The following DYNC2H1 variants were observed in gnomAD, a reference collection of about 807,000 sequenced individuals.
DYNC2H1 encodes dynein cytoplasmic 2 heavy chain 1, also known as cytoplasmic dynein 2 heavy chain 1.
Under a neutral mutation model 570.0 loss-of-function variants are expected in DYNC2H1, and 410 were observed. The observed-to-expected ratio is 0.72, with a 90% CI of 0.66 to 0.78. The LOEUF is 0.78. Ranked by LOEUF, DYNC2H1 falls within the 30% of genes least tolerant of loss-of-function variation. The probability of loss-of-function intolerance (pLI) is 0.00; values close to 1 mark genes in which losing one functional copy is unlikely to be tolerated. For missense variants in DYNC2H1, 4,865 were observed against 5,046.4 expected (o/e 0.96, Z 1.09); for synonymous variants, 1,688 against 1,677.6 (o/e 1.01, Z -0.15).
intron 48 of DYNC2H1, among the ~76,000 whole-genome samples, chr11:103,198,892 C>G (rs987447429): frequency 6.6e-6 from 1 of 152,108 alleles, no homozygotes. Flanking sequence ...GGTCTATGCA[C>G]ACTGATTCAT....
chr11:103,464,485 T>C (rs985490473), intron 87 of DYNC2H1, among the ~76,000 whole-genome samples: 3 of 152,108 alleles, frequency 2.0e-5, no homozygotes, highest in Admixed American at 6.5e-5. Flanking sequence ...AATTGGAGAA[T>C]GATGAGTTCT....
intron 61 of DYNC2H1, among the ~76,000 whole-genome samples, chr11:103,235,429 C>T (rs756052680): frequency 4.0e-5 from 6 of 151,818 alleles, no homozygotes; most frequent in Non-Finnish European, 7.4e-5. Flanking sequence ...TCTTTAAAAT[C>T]GTTAAGAACT....
rs772172288 is a variant in DYNC2H1 at position 103,123,015 on chromosome 11, A to G, written c.1661+15A>G. On this transcript the variant is annotated intron_variant, in intron 11 of 88. Transcript: ENST00000375735. ...TCTGGTTTGTGGTAAGTATAGATAT[A>G]TTAAACTGTAAAATCCAAAACCATA... The G allele has an allele frequency of 7.4e-7, 1 of 1,350,062 alleles. No individual in the cohort carries two copies. Among genetic ancestry groups the G allele is most frequent in the African/African-American group, 1.5e-5 (1 of 67,986 alleles). The allele number at this position is 1,350,062 out of a possible 1,614,324, so 83.6% of individuals were successfully genotyped here.
At chr11:103,453,864 TA>T (rs1402087414) in intron 85 of DYNC2H1, among the ~76,000 whole-genome samples, 1 of 151,864 alleles carries the variant, frequency 6.6e-6, no homozygotes, top group Non-Finnish European at 1.5e-5. Flanking sequence ...GATAATTTAA[TA>T]AAAATTATTT....
chr11:103,404,236 A>C (rs1942769095), intron 84 of DYNC2H1: 1 of 151,866 alleles, frequency 6.6e-6, no homozygotes, highest in African/African-American at 2.4e-5. Flanking sequence ...CTAGTATCTT[A>C]TCAAGAAATT....
chr11:103,273,851 G>A (rs1237786616), intron 70 of DYNC2H1, among the ~76,000 whole-genome samples: 1 of 152,078 alleles, frequency 6.6e-6, no homozygotes, highest in South Asian at 2.1e-4. Flanking sequence ...CTTAAGGTCA[G>A]GATATCTTCT....
chr11:103,248,802 A>G (rs1041231590), intron 65 of DYNC2H1, among the ~76,000 whole-genome samples: 1 of 152,098 alleles, frequency 6.6e-6, no homozygotes, highest in African/African-American at 2.4e-5. Context: ...AGAAGTAACC[A>G]AAGATATCAC....
rs190307462 is a variant in DYNC2H1 at position 103,423,903 on chromosome 11, C to T, written c.12367-12040C>T. On this transcript the variant is annotated intron_variant, in intron 84 of 88. Transcript: ENST00000375735. Reference sequence around the variant, plus strand: ...GTATTTCTGTATAATAGCAATGAATCCTAGTATATGGCACTCACAGTACCC... The same window carrying T: ...GTATTTCTGTATAATAGCAATGAATTCTAGTATATGGCACTCACAGTACCC... 7.3e-3 allele frequency among the ~76,000 whole-genome samples: 1,104 copies of T among 151,932 alleles called. 6 individuals are homozygous for T. The highest frequency in any genetic ancestry group is 0.029 in the South Asian group (139 of 4,798).
chr11:103,344,020 C>T (rs531315366), intron 82 of DYNC2H1, among the ~76,000 whole-genome samples: 1 of 152,312 alleles, frequency 6.6e-6, no homozygotes, highest in Non-Finnish European at 1.5e-5. Flanking sequence ...AAAACTACTC[C>T]ATCACTTTTA....
rs1938419087 is a variant in DYNC2H1, at chr11:103,325,354, A to G, written c.12039+1364A>G. 6.6e-6 allele frequency among the ~76,000 whole-genome samples: 1 copy of G among 152,184 alleles called. No individual in the cohort carries two copies. On this transcript the variant is annotated intron_variant, in intron 82 of 88. Coordinates refer to ENST00000375735, the MANE Select transcript of DYNC2H1 (RefSeq NM_001377.3). This position sits in a 1 kb window ranked among gnomAD's most constrained non-coding sequence, Gnocchi z 4.8. ...TTTTATAGTTTTAGCTTTTACATTT[A>G]AGTCTTTAATCCATCTTGAGTTGAT...
In DYNC2H1 at chr11:103,311,940, T is replaced by G. The variant is rs757411277; in HGVS notation, c.11556T>G (p.Ile3852Met). The change falls in exon 79 of 89, where the codon ATT becomes ATG. Residue 3852 changes from isoleucine to methionine, a missense_variant. Ile to Met is a conservative substitution (Grantham distance 10, BLOSUM62 1). Transcript: ENST00000375735. The stretch of plus-strand genomic sequence containing the variant: ...ATGAGTCTTGGACTCCTGAGCAAAT[T>G]AGCAAAAAAGATAATACACATCGAG... Reference protein sequence around the residue: ...RTYESWTPEQISKKDNTHRAH... With the variant: ...RTYESWTPEQMSKKDNTHRAH... 2.2e-5 allele frequency: 35 copies of G among 1,613,714 alleles called. No homozygotes were observed. Among genetic ancestry groups the G allele is most frequent in the Middle Eastern group, 3.3e-4 (2 of 6,054 alleles).
At chr11:103,142,288 C>G (rs989350186) in intron 17 of DYNC2H1, among the ~76,000 whole-genome samples, 15 of 152,208 alleles carry the variant, frequency 9.9e-5, no homozygotes, top group African/African-American at 3.1e-4. Context: ...CAGAAATCAC[C>G]TGTCTTCTGC....
chr11:103,371,465 C>G (rs546848971), intron 83 of DYNC2H1, among the ~76,000 whole-genome samples: 1 of 151,952 alleles, frequency 6.6e-6, no homozygotes, highest in Non-Finnish European at 1.5e-5. Flanking sequence ...TGTAGAATAC[C>G]AAGCAGATTT....
chr11:103,119,762 G>C (rs1021401704), intron 6 of DYNC2H1, among the ~76,000 whole-genome samples: 2 of 152,040 alleles, frequency 1.3e-5, no homozygotes, highest in African/African-American at 4.8e-5. Flanking sequence ...ATTCTTTTTG[G>C]GGGCTATTTA....
intron 82 of DYNC2H1, among the ~76,000 whole-genome samples, chr11:103,349,619 T>C (rs977214210): frequency 5.3e-5 from 8 of 152,166 alleles, no homozygotes; most frequent in Non-Finnish European, 7.4e-5. Flanking sequence ...TATAGCTCAG[T>C]ATTTGAAAAC....
At chr11:103,381,605 C>T (rs867676876) in intron 83 of DYNC2H1, among the ~76,000 whole-genome samples, 2 of 152,142 alleles carry the variant, frequency 1.3e-5, no homozygotes, top group Non-Finnish European at 2.9e-5. Flanking sequence ...CCTGCCACCA[C>T]GCCTGGCTAA....
chr11:103,282,893 G>A, intron 72 of DYNC2H1, 115 bp from the exon 73 acceptor site: 1 of 719,416 alleles, frequency 1.4e-6, no homozygotes, highest in Non-Finnish European at 2.3e-6. Context: ...AAAATATAAA[G>A]AAATAATGCA....
chr11:103,338,049 T>A (rs1023537788), intron 82 of DYNC2H1, among the ~76,000 whole-genome samples: 15 of 152,216 alleles, frequency 9.9e-5, no homozygotes, highest in Non-Finnish European at 7.3e-5. Flanking sequence ...TTGATTTTTG[T>A]ATATGTTGAG....
At chr11:103,154,299 AGTTTCTTATT>A (rs766819454) in intron 22 of DYNC2H1, among the ~76,000 whole-genome samples, 142 bp from the exon 23 acceptor site, 32 of 151,832 alleles carry the variant, frequency 2.1e-4, no homozygotes, top group Non-Finnish European at 3.2e-4. Context: ...TTCTTATTGT[AGTTTCTTATT>A]GTTTCTTATT....
Sources: gnomAD v4.1 joint callset for allele counts (sites outside exome capture counted in the v4.1 genomes callset) on GRCh38, gnomAD v4.1.1 for gene constraint, Gnocchi (gnomAD v3.1) non-coding constraint, MANE v1.5 for transcripts, NCBI Gene and HGNC (gene_info 2026-07-23, HGNC 2026-07-21) for gene names.